The following PAK3 variants were observed in gnomAD, a reference collection of about 807,000 sequenced individuals.
The protein encoded by PAK3 is serine/threonine-protein kinase PAK 3.
A neutral mutation model predicts 41.0 loss-of-function variants in PAK3; 4 were observed. That is an observed-to-expected ratio of 0.10 (90% CI 0.05 to 0.22). The LOEUF is 0.22. Among genes scored for constraint, PAK3 ranks in the 10% least tolerant of loss-of-function variants. PAK3 has a pLI of 1.00. For missense variants in PAK3, 205 were observed against 409.9 expected (o/e 0.50, Z 4.32); for synonymous variants, 146 against 139.6 (o/e 1.05, Z -0.32).
intron 15 of PAK3, 104 bp from the exon 16 acceptor site, chrX:111,196,340 G>A: frequency 1.5e-6 from 1 of 647,173 alleles, no homozygotes; most frequent in Admixed American, 2.3e-5. Flanking sequence ...GGCAGTTGTG[G>A]AAACTCAGTG....
At chrX:111,153,158 AT>A (rs1272449224) in intron 8 of PAK3, among the ~76,000 whole-genome samples, 3 of 112,070 alleles carry the variant, frequency 2.7e-5, no homozygotes, top group African/African-American at 9.7e-5. Context: ...AGATAATTTT[AT>A]TTTTATAGGT....
Position 111,209,606 on chromosome X carries a change from CA to C in PAK3, c.1408-6812del, listed in dbSNP as rs780292285. On this transcript the variant is annotated intron_variant, in intron 16 of 17. Transcript: ENST00000372007. ...TTTTGCATCTCAAATATTCAGCCTACAAAGAAATGTTTGTACTGCACCCTAT... is the reference window on the plus strand; with the variant it reads ...TTTTGCATCTCAAATATTCAGCCTACAAGAAATGTTTGTACTGCACCCTAT... Among the ~76,000 whole-genome samples, 99 of 111,964 alleles carry C rather than the reference CA, an allele frequency of 8.8e-4. No homozygotes were observed. The Admixed American group carries it at 9.1e-3, about 10-fold the overall frequency.
chrX:111,021,761 A>G (rs941943967), intron 1 of PAK3, among the ~76,000 whole-genome samples: 24 of 110,752 alleles, frequency 2.2e-4, no homozygotes, highest in African/African-American at 7.9e-4. Flanking sequence ...AGTCCAACTT[A>G]AAGAAATCAG....
At chrX:111,040,860 G>A (rs974650054) in intron 1 of PAK3, among the ~76,000 whole-genome samples, 2 of 111,973 alleles carry the variant, frequency 1.8e-5, no homozygotes, top group African/African-American at 3.3e-5. Flanking sequence ...GGGGGTAGTC[G>A]AGATTGAAAC....
chrX:111,135,629 G>A (rs139121691), intron 5 of PAK3, among the ~76,000 whole-genome samples: 7 of 111,455 alleles, frequency 6.3e-5, no homozygotes, highest in African/African-American at 1.3e-4. Context: ...ATGAAAGAAG[G>A]TGGGGGAAAT....
intron 14 of PAK3, among the ~76,000 whole-genome samples, chrX:111,195,358 G>GT (rs2094602844): frequency 8.9e-6 from 1 of 111,830 alleles, no homozygotes; most frequent in South Asian, 3.8e-4. Context: ...TTCCAAACAA[G>GT]TGCCTATAGT....
intron 10 of PAK3, among the ~76,000 whole-genome samples, chrX:111,172,793 T>G (rs2094360311): frequency 9.0e-6 from 1 of 111,591 alleles, no homozygotes; most frequent in South Asian, 3.7e-4. Flanking sequence ...ATTACTACTT[T>G]AATTACTATA....
intron 1 of PAK3, among the ~76,000 whole-genome samples, chrX:111,085,412 G>A (rs1447495419): frequency 8.9e-6 from 1 of 112,037 alleles, no homozygotes; most frequent in East Asian, 2.8e-4. Context: ...TGGTCAGATT[G>A]CAATTAACCA....
At chrX:111,060,333 C>T (rs2092644882) in intron 1 of PAK3, among the ~76,000 whole-genome samples, 1 of 111,371 alleles carries the variant, frequency 9.0e-6, no homozygotes, top group South Asian at 3.8e-4. Flanking sequence ...TAATTTGCTA[C>T]TATTTTGTTG....
intron 4 of PAK3, among the ~76,000 whole-genome samples, chrX:111,107,815 A>G (rs1463776863): frequency 8.9e-6 from 1 of 111,975 alleles, no homozygotes; most frequent in Non-Finnish European, 1.9e-5. Context: ...AGGTCCAGAA[A>G]AGCTACTTGT....
chrX:111,207,781 GT>G (rs1235087247), intron 16 of PAK3, among the ~76,000 whole-genome samples: 11 of 111,706 alleles, frequency 9.8e-5, no homozygotes, highest in Admixed American at 6.6e-4. Context: ...TTGTTTCTTA[GT>G]TTTTGGGGAG....
intron 1 of PAK3, among the ~76,000 whole-genome samples, chrX:110,979,302 T>TC (rs1327375371): frequency 7.5e-5 from 7 of 92,760 alleles, no homozygotes; most frequent in African/African-American, 2.8e-4. Context: ...TTTTCTTTTT[T>TC]TTTTTTTTTT....
chrX:111,073,295 C>A (rs1003045108), intron 1 of PAK3, among the ~76,000 whole-genome samples: 1 of 111,473 alleles, frequency 9.0e-6, no homozygotes, highest in African/African-American at 3.3e-5. Flanking sequence ...AAATAAATAA[C>A]CTAACATTAC....
chrX:111,075,323 T>A (rs894564414), intron 1 of PAK3, among the ~76,000 whole-genome samples: 5 of 112,521 alleles, frequency 4.4e-5, no homozygotes, highest in African/African-American at 1.6e-4. Context: ...AATGGCTTCA[T>A]GGGCCAGGCC....
chrX:111,199,572 A>C (rs1036006547), intron 16 of PAK3, among the ~76,000 whole-genome samples: 1 of 111,787 alleles, frequency 8.9e-6, no homozygotes, highest in Non-Finnish European at 1.9e-5. Context: ...GAACAGCTGT[A>C]ATTTTTAAAT....
At chrX:110,997,826 T>A (rs1038352266) in intron 1 of PAK3, among the ~76,000 whole-genome samples, 1 of 110,594 alleles carries the variant, frequency 9.0e-6, no homozygotes, top group East Asian at 2.9e-4. Context: ...CCTCTACGAA[T>A]GGAAGGGATT....
At chrX:111,197,037 G>T (rs931493775) in intron 16 of PAK3, among the ~76,000 whole-genome samples, 1 of 109,449 alleles carries the variant, frequency 9.1e-6, no homozygotes, top group South Asian at 4.0e-4. Flanking sequence ...GGTAATGAAT[G>T]TAGTACCCAA....
chrX:111,189,628 G>C (rs2094543950), intron 11 of PAK3, among the ~76,000 whole-genome samples: 1 of 111,823 alleles, frequency 8.9e-6, no homozygotes, highest in Non-Finnish European at 1.9e-5. Flanking sequence ...TGACTGGTGA[G>C]AGATGGTGTC....
intron 1 of PAK3, among the ~76,000 whole-genome samples, chrX:110,977,821 A>G (rs1237680720): frequency 8.9e-6 from 1 of 111,776 alleles, no homozygotes; most frequent in Non-Finnish European, 1.9e-5. Flanking sequence ...GATGTTCTGG[A>G]CACTGGTCAT....
Sources: gnomAD v4.1 joint callset for allele counts (sites outside exome capture counted in the v4.1 genomes callset) on GRCh38, gnomAD v4.1.1 for gene constraint, MANE v1.5 for transcripts, NCBI Gene and HGNC (gene_info 2026-07-23, HGNC 2026-07-21) for gene names.